Variants in SAMD3 observed in about 807,000 individuals in gnomAD.
SAMD3 encodes the protein sterile alpha motif domain-containing protein 3.
Under a neutral mutation model 58.5 loss-of-function variants are expected in SAMD3, and 63 were observed. That is an observed-to-expected ratio of 1.08 (90% CI 0.88 to 1.33). The LOEUF (loss-of-function observed/expected upper bound fraction) is 1.33. Among genes scored for constraint, SAMD3 ranks in the 40% most tolerant of loss-of-function variants. SAMD3 has a pLI of 0.00. For synonymous variants in SAMD3, 220 were observed against 210.3 expected (o/e 1.05, Z -0.40); for missense variants, 604 against 608.4 (o/e 0.99, Z 0.08).
At chr6:130,169,234 C>A (rs1328826232) in intron 8 of SAMD3, among the ~76,000 whole-genome samples, 1 of 151,962 alleles carries the variant, frequency 6.6e-6, no homozygotes, top group Non-Finnish European at 1.5e-5. Context: ...GATGGAACCC[C>A]CCCACACACA....
chr6:130,265,602 T>G (rs1487753962), intron 2 of SAMD3, among the ~76,000 whole-genome samples: 1 of 152,152 alleles, frequency 6.6e-6, no homozygotes, highest in African/African-American at 2.4e-5. Flanking sequence ...AAAAAGAACT[T>G]GTTTGTATAA....
chr6:130,195,075 C>T (rs1793962664), intron 5 of SAMD3, among the ~76,000 whole-genome samples: 2 of 152,112 alleles, frequency 1.3e-5, no homozygotes, highest in Non-Finnish European at 2.9e-5. Flanking sequence ...TTTTAATTAT[C>T]CCCACCTGCC....
At chr6:130,205,639 T>C (rs1021355696) in intron 5 of SAMD3, among the ~76,000 whole-genome samples, 3 of 152,166 alleles carry the variant, frequency 2.0e-5, no homozygotes, top group Non-Finnish European at 4.4e-5. Context: ...TGAGCCTCTA[T>C]GTGTGAGGAG....
At chr6:130,252,425 T>C (rs566681568) in intron 2 of SAMD3, among the ~76,000 whole-genome samples, 1 of 152,302 alleles carries the variant, frequency 6.6e-6, no homozygotes, top group East Asian at 1.9e-4. Context: ...GAAATATGGG[T>C]ACACTATCTT....
In SAMD3 at chr6:130,363,356, C is replaced by T. The variant is rs117295052; in HGVS notation, c.-304+1764G>A. Among the ~76,000 whole-genome samples, 872 of 152,222 alleles carry T rather than the reference C, an allele frequency of 5.7e-3. 49 individuals are homozygous for T. The East Asian group carries it at 0.11, about 19-fold the overall frequency. Reference sequence around the variant, plus strand: ...GAATACTCATTCTTTTTCATTTCAACGTATGTTTCCAAAATTAATTCATTA... The same window carrying T: ...GAATACTCATTCTTTTTCATTTCAATGTATGTTTCCAAAATTAATTCATTA... On this transcript the variant is annotated intron_variant, in intron 1 of 13. Coordinates refer to the SAMD3 transcript ENST00000368134.
At chr6:130,292,827 C>T (rs1775426606) in intron 2 of SAMD3, among the ~76,000 whole-genome samples, 1 of 150,814 alleles carries the variant, frequency 6.6e-6, no homozygotes, top group Non-Finnish European at 1.5e-5. Context: ...ACTGTGTTAG[C>T]CAGGATGGTC....
chr6:130,355,829 G>C (rs991302254), intron 1 of SAMD3, among the ~76,000 whole-genome samples: 4 of 152,186 alleles, frequency 2.6e-5, no homozygotes, highest in Admixed American at 2.6e-4. Flanking sequence ...CTTCAGCCCA[G>C]TGGCTATTAG....
At chr6:130,155,776 C>T (rs1189243949) in intron 8 of SAMD3, among the ~76,000 whole-genome samples, 1 of 152,150 alleles carries the variant, frequency 6.6e-6, no homozygotes, top group South Asian at 2.1e-4. Flanking sequence ...CCTCTTATAT[C>T]AAGGCTTTTA....
rs185421938 is a variant in SAMD3 at position 130,159,058 on chromosome 6, G to C, written c.823-4033C>G. 7.0e-4 allele frequency among the ~76,000 whole-genome samples: 107 copies of C among 152,316 alleles called. 1 individual carries two copies. The highest frequency in any genetic ancestry group is 2.5e-3 in the African/African-American group (102 of 41,568). ...TGGTTGCAAGAGGGGACCAATCAGA[G>C]GTTGATATGGTTTGGCTCTGTGTCC... On this transcript the variant is annotated intron_variant, in intron 8 of 11. Coordinates refer to ENST00000439090, the MANE Select transcript of SAMD3 (RefSeq NM_001017373.4).
intron 1 of SAMD3, among the ~76,000 whole-genome samples, chr6:130,323,048 G>A (rs1776638242): frequency 6.6e-6 from 1 of 152,170 alleles, no homozygotes; most frequent in Admixed American, 6.5e-5. Context: ...AAATAAAACC[G>A]TTTTACAAGC....
At chr6:130,301,936 A>G (rs1221024464) in intron 2 of SAMD3, among the ~76,000 whole-genome samples, 2 of 152,180 alleles carry the variant, frequency 1.3e-5, no homozygotes, top group Non-Finnish European at 2.9e-5. Context: ...TCACCATATA[A>G]AAAATTAACT....
At chr6:130,304,215 G>A (rs2114978577) in intron 2 of SAMD3, among the ~76,000 whole-genome samples, 1 of 152,270 alleles carries the variant, frequency 6.6e-6, no homozygotes, top group Admixed American at 6.5e-5. Flanking sequence ...TGCCACCCAG[G>A]CTGAAGTGCA....
At chr6:130,279,487 C>A (rs966595070) in intron 2 of SAMD3, among the ~76,000 whole-genome samples, 1 of 123,378 alleles carries the variant, frequency 8.1e-6, no homozygotes, top group African/African-American at 3.4e-5. Context: ...TCAATTAAAC[C>A]TTTTTTTTTT....
intron 5 of SAMD3, among the ~76,000 whole-genome samples, chr6:130,185,493 T>A (rs1445462811): frequency 6.8e-6 from 1 of 147,996 alleles, no homozygotes; most frequent in Non-Finnish European, 1.5e-5. Context: ...CACACCTGGC[T>A]AATTTTTTGT....
At chr6:130,254,505 T>A (rs997280145) in intron 2 of SAMD3, among the ~76,000 whole-genome samples, 1 of 151,826 alleles carries the variant, frequency 6.6e-6, no homozygotes, top group Non-Finnish European at 1.5e-5. Context: ...CTTTTTGTAT[T>A]TTTAGTAGAG....
intron 8 of SAMD3, among the ~76,000 whole-genome samples, chr6:130,169,236 C>A (rs369468161): frequency 2.3e-4 from 35 of 151,710 alleles, no homozygotes; most frequent in African/African-American, 3.9e-4. Context: ...TGGAACCCCC[C>A]CACACACACA....
At chr6:130,171,251 G>C (rs1159122735) in intron 8 of SAMD3, among the ~76,000 whole-genome samples, 2 of 152,158 alleles carry the variant, frequency 1.3e-5, no homozygotes, top group African/African-American at 2.4e-5. Context: ...TTATTGATTT[G>C]CTTATGTTGA....
chr6:130,219,819 A>G (rs1396547192), intron 1 of SAMD3, among the ~76,000 whole-genome samples: 1 of 152,186 alleles, frequency 6.6e-6, no homozygotes, highest in Non-Finnish European at 1.5e-5. Context: ...ATTCAAGATC[A>G]GTAATTTCCT....
intron 5 of SAMD3, among the ~76,000 whole-genome samples, chr6:130,187,095 G>A (rs1793070066): frequency 6.6e-6 from 1 of 152,052 alleles, no homozygotes; most frequent in Non-Finnish European, 1.5e-5. Flanking sequence ...TAAAAGCGAT[G>A]TAACTTGGCA....
Sources: gnomAD v4.1 joint callset for allele counts (sites outside exome capture counted in the v4.1 genomes callset) on GRCh38, gnomAD v4.1.1 for gene constraint, MANE v1.5 for transcripts, NCBI Gene and HGNC (gene_info 2026-07-23, HGNC 2026-07-21) for gene names.